Variants in TNNI3K observed in about 807,000 individuals in gnomAD.
TNNI3K encodes the protein TNNI3 interacting kinase, also known as serine/threonine-protein kinase TNNI3K.
Under a neutral mutation model 114.5 loss-of-function variants are expected in TNNI3K, and 140 were observed. The ratio of observed to expected loss-of-function variants is 1.22; its 90% CI spans 1.07 to 1.41. TNNI3K has a LOEUF of 1.41. Ranked by LOEUF, TNNI3K falls within the 40% of genes most tolerant of loss-of-function variation. TNNI3K has a pLI of 0.00. For synonymous variants in TNNI3K, 347 were observed against 347.5 expected (o/e 1.00, Z 0.02); for missense variants, 1,125 against 1,007.6 (o/e 1.12, Z -1.58).
Position 74,369,598 on chromosome 1 carries a change from T to C in TNNI3K, c.1667+13T>C. 6.9e-6 allele frequency: 11 copies of C among 1,586,794 alleles called. No homozygotes were observed. The highest frequency in any genetic ancestry group is 9.4e-6 in the Non-Finnish European group (11 of 1,168,594). The stretch of plus-strand genomic sequence containing the variant: ...ATGAGCAGAAGAGGTATGGGTCTTT[T>C]GTTCTGATTTATCCTTGGACATTCC... On this transcript the variant is annotated intron_variant, in intron 16 of 24. Coordinates refer to ENST00000326637, the MANE Select transcript of TNNI3K (RefSeq NM_015978.3).
intron 21 of TNNI3K, among the ~76,000 whole-genome samples, chr1:74,465,990 G>A (rs111854061): frequency 0.014 from 2,098 of 152,254 alleles, 40 homozygotes; most frequent in African/African-American, 0.048. Context: ...TGCTCTTAGC[G>A]ATAAGTCTTG....
At chr1:74,494,340 G>C (rs1669224787) in intron 23 of TNNI3K, among the ~76,000 whole-genome samples, 1 of 152,178 alleles carries the variant, frequency 6.6e-6, no homozygotes, top group Non-Finnish European at 1.5e-5. Flanking sequence ...ATCTGATAAA[G>C]GAGTTGCAGC....
At chr1:74,317,528 A>T (rs1659380540) in intron 5 of TNNI3K, among the ~76,000 whole-genome samples, 1 of 152,174 alleles carries the variant, frequency 6.6e-6, no homozygotes, top group Non-Finnish European at 1.5e-5. Context: ...TTCTGGCTGG[A>T]GGAAATGCAG....
At chr1:74,400,035 G>A (rs1001001098) in intron 17 of TNNI3K, among the ~76,000 whole-genome samples, 2 of 152,104 alleles carry the variant, frequency 1.3e-5, no homozygotes, top group Admixed American at 6.6e-5. Flanking sequence ...TTTGAGGCTG[G>A]GTGAGCCATT....
At chr1:74,494,437 T>A (rs1570698111) in intron 23 of TNNI3K, among the ~76,000 whole-genome samples, 3 of 152,320 alleles carry the variant, frequency 2.0e-5, no homozygotes, top group South Asian at 4.1e-4. Context: ...GTTTGATTGA[T>A]AACCACACAA....
At chr1:74,368,956 A>C (rs1662436071) in intron 13 of TNNI3K, 66 bp from the exon 14 acceptor site, 1 of 1,252,794 alleles carries the variant, frequency 8.0e-7, no homozygotes, top group South Asian at 1.6e-5. Context: ...ATATATATGC[A>C]CATGTATACA....
At chr1:74,349,993 T>A (rs944761666) in intron 9 of TNNI3K, among the ~76,000 whole-genome samples, 1 of 152,204 alleles carries the variant, frequency 6.6e-6, no homozygotes, top group East Asian at 1.9e-4. Flanking sequence ...CTGATCTTAG[T>A]TATTTCTTGC....
chr1:74,465,840 G>A (rs1034797171), intron 21 of TNNI3K, among the ~76,000 whole-genome samples: 1 of 152,084 alleles, frequency 6.6e-6, no homozygotes, highest in African/African-American at 2.4e-5. Context: ...CTGTCAAAAC[G>A]GACCAATCAG....
At chr1:74,477,465 G>A (rs918221633) in intron 21 of TNNI3K, among the ~76,000 whole-genome samples, 1 of 151,982 alleles carries the variant, frequency 6.6e-6, no homozygotes, top group Non-Finnish European at 1.5e-5. Context: ...AGACTCACCT[G>A]TCAGGAACAA....
chr1:74,424,998 C>T (rs1435605777), intron 17 of TNNI3K, among the ~76,000 whole-genome samples: 1 of 151,992 alleles, frequency 6.6e-6, no homozygotes, highest in Non-Finnish European at 1.5e-5. Context: ...ATAGTTATAA[C>T]CATTTAGTCT....
chr1:74,440,669 G>A (rs74093586), intron 20 of TNNI3K, among the ~76,000 whole-genome samples: 2,506 of 152,122 alleles, frequency 0.016, 66 homozygotes, highest in African/African-American at 0.056. Flanking sequence ...TTTGTTAAGC[G>A]TAATGATGAT....
intron 11 of TNNI3K, among the ~76,000 whole-genome samples, chr1:74,354,561 G>T (rs1253522270): frequency 2.0e-5 from 3 of 152,118 alleles, no homozygotes; most frequent in Admixed American, 1.3e-4. Context: ...GCTAGAAAAT[G>T]TGAGGGACCC....
intron 17 of TNNI3K, chr1:74,416,200 A>G (rs1216702671): frequency 1.4e-6 from 1 of 725,120 alleles, no homozygotes; most frequent in Non-Finnish European, 1.7e-6. Context: ...GAAGCATAGC[A>G]TAGCACCAAA....
chr1:74,540,606 T>TAAA (rs5775242), intron 24 of TNNI3K, among the ~76,000 whole-genome samples: 2 of 147,312 alleles, frequency 1.4e-5, no homozygotes, highest in African/African-American at 5.0e-5. Context: ...ACTCTTTTTT[T>TAAA]AAAAAAAAAA....
chr1:74,391,566 T>C (rs536046617), intron 17 of TNNI3K, among the ~76,000 whole-genome samples: 2 of 152,304 alleles, frequency 1.3e-5, no homozygotes, highest in African/African-American at 4.8e-5. Flanking sequence ...ATTTTAAATT[T>C]GAGGTGCCTG....
At chr1:74,240,117 A>T (rs1654098371) in intron 2 of TNNI3K, 3 of 300,046 alleles carry the variant, frequency 1.0e-5, no homozygotes, top group South Asian at 6.4e-5. Context: ...TGTTGTTTTT[A>T]TCCATTTATA....
intron 17 of TNNI3K, among the ~76,000 whole-genome samples, chr1:74,397,471 G>T (rs1664143464): frequency 6.6e-6 from 1 of 152,114 alleles, no homozygotes; most frequent in African/African-American, 2.4e-5. Flanking sequence ...CCTACGTTAG[G>T]TCAGGAATAT....
chr1:74,347,067 G>A (rs952809935), intron 9 of TNNI3K, among the ~76,000 whole-genome samples: 1 of 151,678 alleles, frequency 6.6e-6, no homozygotes, highest in Non-Finnish European at 1.5e-5. Flanking sequence ...TGTTACATAT[G>A]TATACATGTG....
At chr1:74,239,664 C>T (rs1456622896) in intron 2 of TNNI3K, among the ~76,000 whole-genome samples, 5 of 152,094 alleles carry the variant, frequency 3.3e-5, no homozygotes, top group South Asian at 2.1e-4. Context: ...ATGGCATTCC[C>T]GGTAGATGCT....
Sources: gnomAD v4.1 joint callset for allele counts (sites outside exome capture counted in the v4.1 genomes callset) on GRCh38, gnomAD v4.1.1 for gene constraint, MANE v1.5 for transcripts, NCBI Gene and HGNC (gene_info 2026-07-23, HGNC 2026-07-21) for gene names.